The following KCNH7 variants were observed in gnomAD, a reference collection of about 807,000 sequenced individuals.
The protein encoded by KCNH7 is voltage-gated inwardly rectifying potassium channel KCNH7.
Under a neutral mutation model 120.8 loss-of-function variants are expected in KCNH7, and 49 were observed. That is an observed-to-expected ratio of 0.41 (90% CI 0.32 to 0.51). KCNH7 has a LOEUF of 0.51. KCNH7 is among the 20% of genes least tolerant of loss of function. KCNH7 has a pLI of 0.38. For missense variants in KCNH7, 1,097 were observed against 1,446.6 expected, an observed-to-expected ratio of 0.76 and a Z score of 3.92; for synonymous variants, 547 against 516.1, an observed-to-expected ratio of 1.06 and a Z score of -0.81.
intron 2 of KCNH7, among the ~76,000 whole-genome samples, chr2:162,754,960 T>C (rs1688732870): frequency 6.6e-6 from 1 of 152,172 alleles, no homozygotes; most frequent in Admixed American, 6.6e-5. Context: ...GAATCAACTA[T>C]TCTGTCGTGA....
At chr2:162,728,141 C>T (rs996214937) in intron 2 of KCNH7, among the ~76,000 whole-genome samples, 15 of 151,326 alleles carry the variant, frequency 9.9e-5, no homozygotes, top group Admixed American at 9.2e-4. Flanking sequence ...AGTTGATACA[C>T]TCACTTTCCA....
chr2:162,393,614 T>C (rs542231588), intron 12 of KCNH7, among the ~76,000 whole-genome samples: 11 of 152,020 alleles, frequency 7.2e-5, no homozygotes, highest in Admixed American at 4.6e-4. Flanking sequence ...ACCTTGTTCA[T>C]AGTGAAAGAT....
At chr2:162,720,311 A>G (rs547812501) in intron 2 of KCNH7, among the ~76,000 whole-genome samples, 7,578 of 149,704 alleles carry the variant, frequency 0.051, 568 homozygotes, top group African/African-American at 0.17. Flanking sequence ...AAAAAAAAAA[A>G]AAAAAAAAAA....
intron 9 of KCNH7, among the ~76,000 whole-genome samples, chr2:162,416,691 AG>A (rs1175020573): frequency 5.3e-5 from 8 of 152,146 alleles, no homozygotes; most frequent in Admixed American, 5.2e-4. Flanking sequence ...AATGAATGAC[AG>A]CATATATGGA....
intron 6 of KCNH7, among the ~76,000 whole-genome samples, chr2:162,471,065 A>C (rs1689507122): frequency 6.6e-6 from 1 of 152,030 alleles, no homozygotes; most frequent in African/African-American, 2.4e-5. Context: ...GTTAAGAGTC[A>C]TCACCACTCC....
chr2:162,513,915 TTAAA>T lies in KCNH7; in HGVS notation c.893-1245_893-1242del, dbSNP rs542350841. On this transcript the variant is annotated intron_variant, in intron 4 of 15. Coordinates refer to ENST00000332142, the MANE Select transcript of KCNH7 (RefSeq NM_033272.4). ...AAAATGGGCTCTTTTAAAATCTAAG[TTAAA>T]TATTTTCAGATTTACTTTGAGATCA... 1.9e-3 allele frequency among the ~76,000 whole-genome samples: 288 copies of T among 151,862 alleles called. 2 individuals carry two copies. The highest frequency in any genetic ancestry group is 2.5e-3 in the Non-Finnish European group (167 of 67,802).
rs1209349073 is a variant in KCNH7, at chr2:162,394,483, A to G, written c.2616T>C (p.Ala872=). 1 of 1,572,680 alleles carries G rather than the reference A, an allele frequency of 6.4e-7. No homozygotes were observed. The highest frequency in any genetic ancestry group is 1.4e-5 in the African/African-American group (1 of 74,006). ...TFNLRHESAK[A]DLLRSQSMND... ...TCATGGATTGTGATCGTAGGAGATC[A>G]GCCTTTGTTAATGGAACATGAAGAT... Residue 872 remains alanine (A), a splice_region_variant and synonymous_variant, in exon 12 of 16, where the codon GCT becomes GCC. Coordinates refer to ENST00000332142, the MANE Select transcript of KCNH7 (RefSeq NM_033272.4).
At chr2:162,699,715 A>G (rs1359457755) in intron 2 of KCNH7, among the ~76,000 whole-genome samples, 1 of 152,186 alleles carries the variant, frequency 6.6e-6, no homozygotes, top group Admixed American at 6.6e-5. Context: ...TGGATCATCA[A>G]TAATCACCTC....
At chr2:162,781,069 C>T (rs943722905) in intron 2 of KCNH7, among the ~76,000 whole-genome samples, 14 of 151,858 alleles carry the variant, frequency 9.2e-5, no homozygotes, top group Non-Finnish European at 1.6e-4. Flanking sequence ...ATTAAAGATA[C>T]TCTATTTTAA....
intron 2 of KCNH7, among the ~76,000 whole-genome samples, chr2:162,671,976 G>T (rs888165271): frequency 1.4e-4 from 21 of 151,886 alleles, no homozygotes; most frequent in Non-Finnish European, 2.4e-4. Flanking sequence ...ACATAAAGCA[G>T]AAATTTACTG....
chr2:162,694,408 G>C (rs1686217155), intron 2 of KCNH7, among the ~76,000 whole-genome samples: 2 of 151,966 alleles, frequency 1.3e-5, no homozygotes, highest in Admixed American at 1.3e-4. Flanking sequence ...ACAGGCAGTG[G>C]GCATTCATAG....
chr2:162,406,152 G>A (rs752206548), intron 9 of KCNH7, among the ~76,000 whole-genome samples: 38 of 151,810 alleles, frequency 2.5e-4, no homozygotes, highest in Non-Finnish European at 5.4e-4. Flanking sequence ...TCTTATGGTG[G>A]TTATACTTTC....
chr2:162,422,893 T>C (rs1386821854), intron 9 of KCNH7, among the ~76,000 whole-genome samples: 2 of 152,220 alleles, frequency 1.3e-5, no homozygotes, highest in African/African-American at 2.4e-5. Flanking sequence ...ACCTCTCCTA[T>C]AAGTTTTCAA....
chr2:162,559,746 C>T (rs1441013400), intron 2 of KCNH7, among the ~76,000 whole-genome samples: 1 of 152,114 alleles, frequency 6.6e-6, no homozygotes, highest in Admixed American at 6.6e-5. Context: ...TAAGGTGGTC[C>T]ACAAAAATGT....
intron 4 of KCNH7, among the ~76,000 whole-genome samples, chr2:162,516,878 G>GTTA (rs1691315151): frequency 1.3e-5 from 2 of 151,710 alleles, no homozygotes; most frequent in South Asian, 4.1e-4. Context: ...CCTTAGTCTA[G>GTTA]TTATTTATGT....
chr2:162,571,481 T>A (rs1693473570), intron 2 of KCNH7, among the ~76,000 whole-genome samples: 1 of 144,064 alleles, frequency 6.9e-6, no homozygotes, highest in Non-Finnish European at 1.5e-5. Flanking sequence ...CAAGGTAATT[T>A]ACAGATTCAA....
intron 2 of KCNH7, among the ~76,000 whole-genome samples, chr2:162,558,466 G>T (rs947233909): frequency 1.3e-5 from 2 of 148,584 alleles, no homozygotes; most frequent in African/African-American, 5.0e-5. Flanking sequence ...GAGCCACCGT[G>T]CCCGGCCAGG....
intron 2 of KCNH7, among the ~76,000 whole-genome samples, chr2:162,676,297 A>G (rs1483514141): frequency 2.0e-5 from 3 of 151,564 alleles, no homozygotes; most frequent in Non-Finnish European, 1.5e-5. Context: ...GATAACAATG[A>G]AAGTTATGAA....
chr2:162,518,269 C>G (rs1691387595), intron 3 of KCNH7, 111 bp from the exon 4 acceptor site: 1 of 795,930 alleles, frequency 1.3e-6, no homozygotes, highest in Admixed American at 2.9e-5. Flanking sequence ...AATTTTGAAT[C>G]AATGGTTATA....
Sources: allele counts gnomAD v4.1 joint callset (sites outside exome capture counted in the v4.1 genomes callset), GRCh38; gene constraint gnomAD v4.1.1; transcripts MANE v1.5; gene names NCBI Gene and HGNC (gene_info 2026-07-23, HGNC 2026-07-21).